OR6K6: variants seen among roughly 807,000 people sequenced by gnomAD.
The protein encoded by OR6K6 is olfactory receptor family 6 subfamily K member 6.
A neutral mutation model predicts 8.1 loss-of-function variants in OR6K6; 9 were observed. The observed-to-expected ratio is 1.11, with a 90% CI of 0.67 to 1.94. OR6K6 has a LOEUF of 1.94. Among genes scored for constraint, OR6K6 ranks in the 30% most tolerant of loss-of-function variants. The pLI, the probability that OR6K6 is intolerant of heterozygous loss-of-function variation, is 0.00. For synonymous variants in OR6K6, 156 were observed against 140.3 expected (o/e 1.11, Z -0.79); for missense variants, 400 against 383.1 (o/e 1.04, Z -0.37).
At chr1:158,754,926 G>A (rs1483983329) in exon 1 of OR6K6, 1 of 1,614,138 alleles carries the variant, frequency 6.2e-7, no homozygotes, top group Middle Eastern at 1.6e-4. Flanking sequence ...AGACAATGGT[G>A]ACTGAGTTCC....
exon 1 of OR6K6, chr1:158,755,713 G>C (rs1656976961): frequency 6.2e-7 from 1 of 1,614,172 alleles, no homozygotes; most frequent in Non-Finnish European, 8.5e-7. Flanking sequence ...TTGGGACACA[G>C]CAATTGCTGT....
chr1:158,755,261 A>C, exon 1 of OR6K6: 1 of 1,614,042 alleles, frequency 6.2e-7, no homozygotes, highest in Admixed American at 1.7e-5. Flanking sequence ...ATGGCCATTG[A>C]CAGGTACATA....
At chr1:158,755,007 A>T in exon 1 of OR6K6, 1 of 1,614,044 alleles carries the variant, frequency 6.2e-7, no homozygotes, top group South Asian at 1.1e-5. Context: ...TCATCTACGG[A>T]TTTATCCTAA....
chr1:158,755,107 G>A (rs765920419), exon 1 of OR6K6: 1 of 1,613,936 alleles, frequency 6.2e-7, no homozygotes, highest in Non-Finnish European at 8.5e-7. Flanking sequence ...CTCCTTCCTG[G>A]AGATCTGCTA....
At chr1:158,754,740 G>T in exon 1 of OR6K6, 1 of 1,147,116 alleles carries the variant, frequency 8.7e-7, no homozygotes, top group Non-Finnish European at 1.3e-6. Context: ...TGGCATGGAG[G>T]TAAAGCTTAA....
exon 1 of OR6K6, chr1:158,755,830 G>T (rs1430979146): frequency 6.2e-7 from 1 of 1,602,110 alleles, no homozygotes; most frequent in East Asian, 2.2e-5. Flanking sequence ...GAAGAGGGCT[G>T]GTTGGGCTGG....
chr1:158,755,586 A>C, exon 1 of OR6K6: 1 of 1,614,216 alleles, frequency 6.2e-7, no homozygotes, highest in Non-Finnish European at 8.5e-7. Flanking sequence ...GAATGCACTC[A>C]GCTGAAGGTC....
exon 1 of OR6K6, chr1:158,755,539 G>A: frequency 6.2e-7 from 1 of 1,614,188 alleles, no homozygotes; most frequent in Non-Finnish European, 8.5e-7. Flanking sequence ...CCTGGTCATT[G>A]CTCTATCCTA....
chr1:158,755,124 A>C, exon 1 of OR6K6: 2 of 1,614,056 alleles, frequency 1.2e-6, no homozygotes, highest in South Asian at 1.1e-5. Context: ...GCTATACCAC[A>C]ACCACCATCC....
exon 1 of OR6K6, chr1:158,755,383 T>C (rs1246961317): frequency 6.2e-7 from 1 of 1,614,200 alleles, no homozygotes; most frequent in Admixed American, 1.7e-5. Context: ...TGAGATTGCA[T>C]GGATTTCCAC....
exon 1 of OR6K6, chr1:158,755,575 G>C (rs749159692): frequency 1.2e-6 from 2 of 1,614,090 alleles, no homozygotes; most frequent in Non-Finnish European, 1.7e-6. Flanking sequence ...AGTGATTCTG[G>C]GAATGCACTC....
At chr1:158,754,832 T>C in exon 1 of OR6K6, 1 of 1,608,738 alleles carries the variant, frequency 6.2e-7, no homozygotes, top group African/African-American at 1.3e-5. Context: ...CAATATTCAG[T>C]GGGTAATCAA....
exon 1 of OR6K6, chr1:158,755,673 T>C: frequency 6.2e-7 from 1 of 1,614,254 alleles, no homozygotes; most frequent in African/African-American, 1.3e-5. Context: ...CTGTCATGTA[T>C]TTGAGATTCT....
chr1:158,755,252 T>A (rs754999540), exon 1 of OR6K6: 2 of 1,614,108 alleles, frequency 1.2e-6, no homozygotes, highest in South Asian at 1.1e-5. Flanking sequence ...CTGACAGCAA[T>A]GGCCATTGAC....
At chr1:158,755,600 A>G (rs761929514) in exon 1 of OR6K6, 3 of 1,614,062 alleles carry the variant, frequency 1.9e-6, no homozygotes, top group African/African-American at 1.3e-5. Context: ...GAAGGTCATC[A>G]CAAGGCCTTT....
chr1:158,755,133 C>G, exon 1 of OR6K6: 1 of 1,614,042 alleles, frequency 6.2e-7, no homozygotes, highest in Non-Finnish European at 8.5e-7. Flanking sequence ...CAACCACCAT[C>G]CCCAAGATGC....
At chr1:158,755,849 T>C in exon 1 of OR6K6, 2 of 1,588,872 alleles carry the variant, frequency 1.3e-6, no homozygotes, top group Non-Finnish European at 1.7e-6. Context: ...GGGAAATAGA[T>C]ACAGATCCTG....
rs774353770 is a variant in OR6K6 at position 158,755,887 on chromosome 1, C to G, written c.*40C>G. On this transcript the variant is annotated 3_prime_UTR_variant, in exon 1 of 1. Coordinates refer to ENST00000641861, the Ensembl canonical transcript of OR6K6. ...GACTCTAAAAAGCCTCTTGGAAGAG[C>G]AAAATTTCACTGTTATTTATCTTTT... 2.7e-5 allele frequency: 36 copies of G among 1,338,784 alleles called. No individual in the cohort carries two copies. The South Asian group carries it at 4.9e-4, about 18-fold the overall frequency. The allele number at this position is 1,338,784 out of a possible 1,614,324, so 82.9% of individuals were successfully genotyped here.
chr1:158,755,664 T>C lies in OR6K6; in HGVS notation c.777T>C (p.Ala259=), dbSNP rs1289907454. 1.9e-6 allele frequency: 3 copies of C among 1,614,098 alleles called. No individual in the cohort carries two copies. The African/African-American group carries it at 4.0e-5, about 22-fold the overall frequency. The change falls in exon 1 of 1, where the codon GCT becomes GCC. Residue 259 remains alanine, a synonymous_variant. Transcript: ENST00000641861. Reference sequence around the variant, plus strand: ...TCTTGCTATTTTTTGGCAGTGTGGCTGTCATGTATTTGAGATTCTCAGCCA... The same window carrying C: ...TCTTGCTATTTTTTGGCAGTGTGGCCGTCATGTATTTGAGATTCTCAGCCA...
Sources: allele counts gnomAD v4.1 joint callset, GRCh38; gene constraint gnomAD v4.1.1; transcripts MANE v1.5; gene names NCBI Gene and HGNC (gene_info 2026-07-23, HGNC 2026-07-21).